The following NCAM2 variants were observed in gnomAD, a reference collection of about 807,000 sequenced individuals.
NCAM2 encodes the protein neural cell adhesion molecule 2.
NCAM2 carries 30 observed loss-of-function variants against 98.1 expected under a neutral mutation model. That is an observed-to-expected ratio of 0.31 (90% CI 0.23 to 0.41). The LOEUF (loss-of-function observed/expected upper bound fraction) is 0.41. NCAM2 is among the 10% of genes least tolerant of loss of function. NCAM2 has a pLI of 1.00. For synonymous variants in NCAM2, 368 were observed against 342.4 expected, an observed-to-expected ratio of 1.07 and a Z score of -0.83; for missense variants, 867 against 1,005.8, an observed-to-expected ratio of 0.86 and a Z score of 1.87.
intron 12 of NCAM2, among the ~76,000 whole-genome samples, chr21:21,455,026 C>T (rs1981920061): frequency 6.6e-6 from 1 of 151,750 alleles, no homozygotes; most frequent in South Asian, 2.1e-4. Flanking sequence ...ATTAGGATTA[C>T]TAATTTATTC....
At chr21:21,461,508 G>A (rs146930650) in intron 12 of NCAM2, among the ~76,000 whole-genome samples, 18 of 151,884 alleles carry the variant, frequency 1.2e-4, no homozygotes, top group African/African-American at 4.1e-4. Context: ...TTAAAATAAT[G>A]CCATCAACAT....
Position 21,471,173 on chromosome 21 carries a change from G to T in NCAM2, c.1896+2390G>T, listed in dbSNP as rs552810712. Among the ~76,000 whole-genome samples, 5 of 151,912 alleles carry T rather than the reference G, an allele frequency of 3.3e-5. No individual in the cohort carries two copies. The South Asian group carries it at 1.0e-3, about 32-fold the overall frequency. ...CAACTGCCCAGCTCTTGTGCCTTCGGATACAGCCATCCTGGCACAGTTTCT... is the reference window on the plus strand; with the variant it reads ...CAACTGCCCAGCTCTTGTGCCTTCGTATACAGCCATCCTGGCACAGTTTCT... On this transcript the variant is annotated intron_variant, in intron 14 of 17. Transcript: ENST00000400546.
chr21:21,113,640 G>A (rs540025855), intron 1 of NCAM2, among the ~76,000 whole-genome samples: 3 of 151,966 alleles, frequency 2.0e-5, no homozygotes, highest in East Asian at 1.9e-4. Flanking sequence ...TTCCAAAAAC[G>A]CACAAAGTGT....
intron 1 of NCAM2, among the ~76,000 whole-genome samples, chr21:21,105,463 TC>T (rs1461147330): frequency 6.6e-6 from 1 of 152,098 alleles, no homozygotes; most frequent in Non-Finnish European, 1.5e-5. Flanking sequence ...AGTTGAGAGT[TC>T]TGCGATGCAA....
Position 21,095,336 on chromosome 21 carries a change from T to C in NCAM2, c.55+96718T>C, listed in dbSNP as rs144286196. Among the ~76,000 whole-genome samples the C allele has an allele frequency of 4.8e-3, 733 of 151,640 alleles. 3 individuals are homozygous for C. Among genetic ancestry groups the C allele is most frequent in the Non-Finnish European group, 7.4e-3 (498 of 67,612 alleles). ...TACCAGAGACTGTTGATAATAAAAC[T>C]GAAGTGCTAGTGTAATTGATTATTG... On this transcript the variant is annotated intron_variant, in intron 1 of 17. Transcript: ENST00000400546.
chr21:21,221,605 G>A (rs545249466), intron 1 of NCAM2, among the ~76,000 whole-genome samples: 12 of 152,240 alleles, frequency 7.9e-5, no homozygotes, highest in South Asian at 2.1e-4. Flanking sequence ...TGCCTAATCC[G>A]GAGCAATACC....
intron 8 of NCAM2, among the ~76,000 whole-genome samples, chr21:21,342,223 G>A (rs1602044218): frequency 6.6e-6 from 1 of 152,230 alleles, no homozygotes; most frequent in African/African-American, 2.4e-5. Flanking sequence ...TATTATTACT[G>A]CATAGTAAAT....
chr21:21,203,821 T>C (rs2069330766), intron 1 of NCAM2, among the ~76,000 whole-genome samples: 1 of 152,158 alleles, frequency 6.6e-6, no homozygotes, highest in African/African-American at 2.4e-5. Context: ...TTTATCATTG[T>C]GGTCCAGATT....
At chr21:21,506,747 T>G (rs183233453) in intron 15 of NCAM2, among the ~76,000 whole-genome samples, 1 of 152,272 alleles carries the variant, frequency 6.6e-6, no homozygotes, top group East Asian at 1.9e-4. Context: ...TTTACTAAAC[T>G]ATCACCATCT....
In NCAM2 at chr21:21,111,114, T is replaced by G. The variant is rs149795628; in HGVS notation, c.55+112496T>G. 4.2e-3 allele frequency among the ~76,000 whole-genome samples: 643 copies of G among 152,254 alleles called. 4 individuals are homozygous for G. The highest frequency in any genetic ancestry group is 0.015 in the African/African-American group (618 of 41,538). The stretch of plus-strand genomic sequence containing the variant: ...AAAGATTATTCTCCAAACCAAACAG[T>G]ATGTTTACTTTTACTTATGAGAAGG... On this transcript the variant is annotated intron_variant, in intron 1 of 17. Transcript: ENST00000400546.
At chr21:21,149,561 CCCCTT>C (rs1371722123) in intron 1 of NCAM2, among the ~76,000 whole-genome samples, 1 of 151,826 alleles carries the variant, frequency 6.6e-6, no homozygotes, top group East Asian at 1.9e-4. Flanking sequence ...TGCTCTCCCT[CCCCTT>C]GCCCCCCACC....
chr21:21,069,415 A>G (rs557968380), intron 1 of NCAM2, among the ~76,000 whole-genome samples: 23 of 152,256 alleles, frequency 1.5e-4, no homozygotes, highest in African/African-American at 5.3e-4. Flanking sequence ...TAACTTGACT[A>G]TTTTCCCAGA....
chr21:21,064,761 A>T (rs1328171998), intron 1 of NCAM2, among the ~76,000 whole-genome samples: 1 of 152,204 alleles, frequency 6.6e-6, no homozygotes, highest in Non-Finnish European at 1.5e-5. Flanking sequence ...AGCTTATTAT[A>T]ACTGTTTACA....
At chr21:21,227,434 C>A (rs1267716924) in intron 1 of NCAM2, among the ~76,000 whole-genome samples, 1 of 151,536 alleles carries the variant, frequency 6.6e-6, no homozygotes, top group Admixed American at 6.6e-5. Flanking sequence ...ATACAGAAAA[C>A]GTAGTCAAAA....
intron 1 of NCAM2, among the ~76,000 whole-genome samples, chr21:21,042,618 C>T (rs1358375684): frequency 6.6e-6 from 1 of 152,164 alleles, no homozygotes; most frequent in Non-Finnish European, 1.5e-5. Context: ...ATCTTGCCAT[C>T]TCTAAATGAG....
chr21:21,467,379 T>A (rs1983821348), intron 13 of NCAM2, among the ~76,000 whole-genome samples: 1 of 133,212 alleles, frequency 7.5e-6, no homozygotes, highest in Non-Finnish European at 1.7e-5. Context: ...GATATATATA[T>A]CTTTATATAT....
chr21:21,016,388 G>A (rs574373841), intron 1 of NCAM2, among the ~76,000 whole-genome samples: 80 of 152,028 alleles, frequency 5.3e-4, no homozygotes, highest in African/African-American at 1.9e-3. Flanking sequence ...ATATTTATGC[G>A]CTTCGTATGT....
At position 21,371,863 on chromosome 21, in the gene NCAM2, G is replaced by A. The variant is rs897420137; in HGVS notation, c.1045-2000G>A. 4.5e-5 allele frequency among the ~76,000 whole-genome samples: 6 copies of A among 133,750 alleles called. No homozygotes were observed. In the East Asian group the frequency reaches 7.8e-4, roughly 17 times the overall value. 87.7% of individuals were successfully genotyped at this position (133,750 alleles called of 152,430 possible). A position where few individuals can be genotyped will look rare whatever the true frequency, so the allele number is the denominator to read the frequency against. On this transcript the variant is annotated intron_variant, in intron 8 of 17. Transcript: ENST00000400546. Reference sequence around the variant, plus strand: ...GTTGCTTATTGTAAAATAAATGCGCGTGCACACACACACACACACACACAC... The same window carrying A: ...GTTGCTTATTGTAAAATAAATGCGCATGCACACACACACACACACACACAC...
chr21:21,272,984 T>TACACAC (rs60333494), intron 1 of NCAM2, among the ~76,000 whole-genome samples: 5 of 143,152 alleles, frequency 3.5e-5, no homozygotes, highest in Admixed American at 2.1e-4. Flanking sequence ...TTCACACACA[T>TACACAC]ACACACACAC....
Sources: gnomAD v4.1 joint callset for allele counts (sites outside exome capture counted in the v4.1 genomes callset) on GRCh38, gnomAD v4.1.1 for gene constraint, MANE v1.5 for transcripts, NCBI Gene and HGNC (gene_info 2026-07-23, HGNC 2026-07-21) for gene names.